The following ADCYAP1R1 variants were observed in gnomAD, a reference collection of about 807,000 sequenced individuals.
ADCYAP1R1 encodes pituitary adenylate cyclase-activating polypeptide type I receptor.
A neutral mutation model predicts 67.6 loss-of-function variants in ADCYAP1R1; 44 were observed. The ratio of observed to expected loss-of-function variants is 0.65; its 90% confidence interval spans 0.51 to 0.84. ADCYAP1R1 has a LOEUF of 0.84. ADCYAP1R1 is among the 40% of genes least tolerant of loss of function. The pLI, the probability that ADCYAP1R1 is intolerant of heterozygous loss-of-function variation, is 0.00. For synonymous variants in ADCYAP1R1, 222 were observed against 219.6 expected (o/e 1.01, Z -0.10); for missense variants, 477 against 587.9 (o/e 0.81, Z 1.95).
intron 3 of ADCYAP1R1, among the ~76,000 whole-genome samples, chr7:31,077,583 T>C (rs918132570): frequency 2.7e-5 from 4 of 148,628 alleles, no homozygotes; most frequent in East Asian, 4.0e-4. Context: ...GTGTGTTGTA[T>C]GTGTGTGTGA....
rs1167478159 is a variant in ADCYAP1R1, at chr7:31,107,166, G to C, written c.*482G>C. ...CCCTCGAGTGTGCATGCCACCCTGG[G>C]GCTCTTCTCAGTCCTGGGCCCAAGT... On this transcript the variant is annotated 3_prime_UTR_variant, in exon 16 of 16. Transcript: ENST00000304166. The C allele has an allele frequency of 6.5e-6, 1 of 153,962 alleles. No homozygotes were observed. The highest frequency in any genetic ancestry group is 6.5e-5 in the Admixed American group (1 of 15,328). The allele number at this position is 153,962 out of a possible 1,614,324, so 9.5% of individuals were successfully genotyped here.
intron 4 of ADCYAP1R1, among the ~76,000 whole-genome samples, chr7:31,080,222 C>A (rs1440189134): frequency 6.6e-6 from 1 of 152,208 alleles, no homozygotes; most frequent in Non-Finnish European, 1.5e-5. Context: ...TAAGGCAGGG[C>A]CTTTTAGCAC....
chr7:31,089,266 G>A (rs1468894297), intron 12 of ADCYAP1R1, among the ~76,000 whole-genome samples: 1 of 151,830 alleles, frequency 6.6e-6, no homozygotes, highest in Non-Finnish European at 1.5e-5. Flanking sequence ...GGATTTTCTA[G>A]GTGGAAAATT....
intron 12 of ADCYAP1R1, among the ~76,000 whole-genome samples, chr7:31,089,671 G>A (rs1795885947): frequency 6.6e-6 from 1 of 152,168 alleles, no homozygotes; most frequent in Non-Finnish European, 1.5e-5. Context: ...TTTTCATGCA[G>A]ATCAGATTGC....
chr7:31,080,434 T>TAA (rs1795468536), intron 4 of ADCYAP1R1, among the ~76,000 whole-genome samples, 179 bp from the exon 5 acceptor site: 3 of 152,166 alleles, frequency 2.0e-5, no homozygotes, highest in African/African-American at 7.2e-5. Flanking sequence ...TCTGGAGGTC[T>TAA]CCAGTGTCCC....
In ADCYAP1R1 at chr7:31,086,965, A is replaced by G. The variant is rs2128631365; in HGVS notation, c.846A>G (p.Thr282=). Reference sequence around the variant, plus strand: ...CAGGGACCCCAACTGTGTGTGTGACAGTGTGGGCTACGCTGAGACTCTACT... The same window carrying G: ...CAGGGACCCCAACTGTGTGTGTGACGGTGTGGGCTACGCTGAGACTCTACT... ...IGWGTPTVCV[T]VWATLRLYFD... is the part of the protein sequence containing the mutation. The change falls in exon 11 of 16, where the codon ACA becomes ACG. Residue 282 remains threonine (T), a synonymous_variant. Coordinates refer to ENST00000304166, the MANE Select transcript of ADCYAP1R1 (RefSeq NM_001118.5). The surrounding 1 kb of genome is among the most constrained non-coding windows in gnomAD (Gnocchi z 5.0). The G allele has an allele frequency of 1.2e-6, 2 of 1,614,162 alleles. No homozygotes were observed. Among genetic ancestry groups the G allele is most frequent in the Non-Finnish European group, 1.7e-6 (2 of 1,180,032 alleles).
Position 31,106,524 on chromosome 7 carries a change from G to A in ADCYAP1R1, c.1247G>A (p.Arg416Gln), listed in dbSNP as rs766086000. 3.7e-6 allele frequency: 6 copies of A among 1,612,480 alleles called. No individual in the cohort carries two copies. The Admixed American group carries it at 6.7e-5, about 18-fold the overall frequency. Residue 416 changes from arginine (R) to glutamine (Q), a missense_variant, in exon 16 of 16, where the codon CGA becomes CAA. Coordinates refer to ENST00000304166, the MANE Select transcript of ADCYAP1R1 (RefSeq NM_001118.5). Reference sequence around the variant, plus strand: ...CAAGCGGAGATCAAGCGAAAATGGCGAAGCTGGAAGGTGAACCGTTACTTC... The same window carrying A: ...CAAGCGGAGATCAAGCGAAAATGGCAAAGCTGGAAGGTGAACCGTTACTTC... ...EVQAEIKRKWRSWKVNRYFAV... is the reference protein window; with the variant it reads ...EVQAEIKRKWQSWKVNRYFAV...
chr7:31,103,194 C>T (rs543737898), intron 13 of ADCYAP1R1, 43 bp from the exon 14 acceptor site: 2 of 1,603,716 alleles, frequency 1.2e-6, no homozygotes, highest in Admixed American at 1.7e-5. Context: ...TGGCCCCGAG[C>T]CCTGGAAGTC....
chr7:31,060,597 G>A (rs1376722097), intron 1 of ADCYAP1R1, among the ~76,000 whole-genome samples: 1 of 152,006 alleles, frequency 6.6e-6, no homozygotes, highest in Non-Finnish European at 1.5e-5. Flanking sequence ...CCTTCAAGTG[G>A]TGGCCCTGGG....
intron 12 of ADCYAP1R1, 31 bp downstream of exon 12, chr7:31,087,727 A>G (rs768410681): frequency 6.3e-7 from 1 of 1,597,990 alleles, no homozygotes; most frequent in South Asian, 1.1e-5. Flanking sequence ...GAGGAAGGGA[A>G]GAGACAGGGT....
chr7:31,097,535 C>T (rs887245461), intron 13 of ADCYAP1R1, among the ~76,000 whole-genome samples: 4 of 152,158 alleles, frequency 2.6e-5, no homozygotes, highest in Non-Finnish European at 5.9e-5. Flanking sequence ...CCAGTCCTCC[C>T]CCAAGCTGCT....
In ADCYAP1R1 at chr7:31,107,866, G is replaced by A. The variant is rs1796709502; in HGVS notation, c.*1182G>A. Reference sequence around the variant, plus strand: ...CCTTGACTCACCATGGGCTGCTGGGGTGTCGGGAGAAGCCACACCCAACAT... The same window carrying A: ...CCTTGACTCACCATGGGCTGCTGGGATGTCGGGAGAAGCCACACCCAACAT... On this transcript the variant is annotated 3_prime_UTR_variant, in exon 16 of 16. Transcript: ENST00000304166. The A allele has an allele frequency of 6.6e-6, 1 of 152,256 alleles. No homozygotes were observed. The highest frequency in any genetic ancestry group is 2.4e-5 in the African/African-American group (1 of 41,458). 9.4% of individuals were successfully genotyped at this position (152,256 alleles called of 1,614,324 possible). A position where few individuals can be genotyped will look rare whatever the true frequency, so the allele number is the denominator to read the frequency against.
At chr7:31,063,666 G>T (rs1310831476) in intron 2 of ADCYAP1R1, among the ~76,000 whole-genome samples, 3 of 152,200 alleles carry the variant, frequency 2.0e-5, no homozygotes, top group Non-Finnish European at 4.4e-5. Context: ...TGCCAGGATA[G>T]AACTCAGAAG....
intron 1 of ADCYAP1R1, among the ~76,000 whole-genome samples, chr7:31,062,175 G>A (rs1442118778): frequency 6.6e-6 from 1 of 152,160 alleles, no homozygotes; most frequent in African/African-American, 2.4e-5. Flanking sequence ...GTGTTGTAGG[G>A]TATATGTCGT....
intron 1 of ADCYAP1R1, among the ~76,000 whole-genome samples, chr7:31,054,405 A>G (rs780399914): frequency 3.3e-5 from 5 of 152,154 alleles, no homozygotes; most frequent in South Asian, 4.2e-4. Flanking sequence ...CCTGTTTTGT[A>G]TAAGGTTCAG....
chr7:31,106,414 G>C, intron 15 of ADCYAP1R1, 82 bp from the exon 16 acceptor site: 1 of 1,490,334 alleles, frequency 6.7e-7, no homozygotes, highest in Non-Finnish European at 9.0e-7. Context: ...TGCCAGCCTG[G>C]GAAGGGCCCC....
At chr7:31,067,020 A>T (rs887674509) in intron 3 of ADCYAP1R1, among the ~76,000 whole-genome samples, 1 of 152,034 alleles carries the variant, frequency 6.6e-6, no homozygotes, top group African/African-American at 2.4e-5. Flanking sequence ...AAGGTGGGGG[A>T]AAACAGTGGC....
intron 13 of ADCYAP1R1, among the ~76,000 whole-genome samples, chr7:31,100,893 C>T (rs987501249): frequency 2.0e-5 from 3 of 152,216 alleles, no homozygotes; most frequent in Non-Finnish European, 4.4e-5. Flanking sequence ...GGGCAGCCCA[C>T]TGTTATTTGG....
chr7:31,081,016 G>A (rs891761460), intron 5 of ADCYAP1R1, among the ~76,000 whole-genome samples: 3 of 152,182 alleles, frequency 2.0e-5, no homozygotes, highest in African/African-American at 7.2e-5. Flanking sequence ...CTAAGAAGCC[G>A]GAATGCACAG....
Sources: gnomAD v4.1 joint callset for allele counts (sites outside exome capture counted in the v4.1 genomes callset) on GRCh38, gnomAD v4.1.1 for gene constraint, Gnocchi (gnomAD v3.1) non-coding constraint, MANE v1.5 for transcripts, NCBI Gene and HGNC (gene_info 2026-07-23, HGNC 2026-07-21) for gene names.